Variants in NCMAP observed in about 807,000 individuals in gnomAD.
NCMAP encodes the protein non-compact myelin associated protein.
Under a neutral mutation model 7.8 loss-of-function variants are expected in NCMAP, and 8 were observed. The observed-to-expected ratio is 1.02, with a 90% CI of 0.60 to 1.84. The LOEUF (loss-of-function observed/expected upper bound fraction) is 1.84. Ranked by LOEUF, NCMAP falls within the 40% of genes most tolerant of loss-of-function variation. NCMAP has a pLI of 0.00. For missense variants in NCMAP, 112 were observed against 131.4 expected, an observed-to-expected ratio of 0.85 and a Z score of 0.72; for synonymous variants, 41 against 52.9, an observed-to-expected ratio of 0.78 and a Z score of 0.98.
At chr1:24,562,260 G>C (rs2809962) in intron 1 of NCMAP, among the ~76,000 whole-genome samples, 97,572 of 152,092 alleles carry the variant, frequency 0.64, 31,553 homozygotes, top group East Asian at 0.75. Context: ...ATTTTTGAGA[G>C]CCTTTAATGT....
chr1:24,569,420 C>T lies in NCMAP; in HGVS notation c.-8+13251C>T, dbSNP rs535798641. ...ACTTTCCTTCCCTAATGTGCCCATTCCCACCCCCTCCTCCCCAGACTTCAC... is the reference window on the plus strand; with the variant it reads ...ACTTTCCTTCCCTAATGTGCCCATTTCCACCCCCTCCTCCCCAGACTTCAC... On this transcript the variant is annotated intron_variant, in intron 1 of 3. Coordinates refer to ENST00000374392, the MANE Select transcript of NCMAP (RefSeq NM_001010980.5). 4.6e-5 allele frequency among the ~76,000 whole-genome samples: 7 copies of T among 150,572 alleles called. No homozygotes were observed. In the East Asian group the frequency reaches 1.4e-3, roughly 29 times the overall value.
intron 1 of NCMAP, among the ~76,000 whole-genome samples, chr1:24,573,588 C>T (rs1445327231): frequency 6.8e-6 from 1 of 147,754 alleles, no homozygotes; most frequent in African/African-American, 2.7e-5. Context: ...ACTCTGTCCC[C>T]CCTACAAAAA....
intron 1 of NCMAP, among the ~76,000 whole-genome samples, chr1:24,573,528 C>T (rs546881829): frequency 2.0e-5 from 3 of 150,772 alleles, no homozygotes; most frequent in African/African-American, 7.5e-5. Flanking sequence ...GCAGAGGTTG[C>T]AGTGAGCTAA....
rs1651569727 is a variant in NCMAP, at chr1:24,576,747, C to G, written c.-7-18677C>G. Among the ~76,000 whole-genome samples, 1 of 152,150 alleles carries G rather than the reference C, an allele frequency of 6.6e-6. No homozygotes were observed. The highest frequency in any genetic ancestry group is 2.1e-4 in the South Asian group (1 of 4,830). On this transcript the variant is annotated intron_variant, in intron 1 of 3. Transcript: ENST00000374392. This position sits in a 1 kb window ranked among gnomAD's most constrained non-coding sequence, Gnocchi z 4.0. ...CCAGCCCAGGGTTCTTGCCCCCCATCTCAGGCCTCTCTGTTGGAGTTTTCA... is the reference window on the plus strand; with the variant it reads ...CCAGCCCAGGGTTCTTGCCCCCCATGTCAGGCCTCTCTGTTGGAGTTTTCA...
At chr1:24,594,582 C>T (rs553066528) in intron 1 of NCMAP, among the ~76,000 whole-genome samples, 40 of 152,186 alleles carry the variant, frequency 2.6e-4, no homozygotes, top group Non-Finnish European at 5.3e-4. Context: ...AACTCTCTTC[C>T]GATTGAAGGC....
chr1:24,561,012 C>G (rs1651032992), intron 1 of NCMAP, among the ~76,000 whole-genome samples: 1 of 151,914 alleles, frequency 6.6e-6, no homozygotes, highest in Non-Finnish European at 1.5e-5. Flanking sequence ...GCGATTTTGC[C>G]TTCATGGGAC....
intron 1 of NCMAP, among the ~76,000 whole-genome samples, chr1:24,559,374 T>C (rs1650986032): frequency 1.3e-5 from 2 of 152,176 alleles, no homozygotes; most frequent in African/African-American, 4.8e-5. Context: ...ATCAGAAGTA[T>C]AGATCCTAGG....
chr1:24,563,502 ACAAT>A (rs1651117872), intron 1 of NCMAP: 1 of 151,202 alleles, frequency 6.6e-6, no homozygotes, highest in Non-Finnish European at 1.5e-5. Flanking sequence ...AGCCTGGGCA[ACAAT>A]AAAGAAACTT....
At chr1:24,558,416 C>T (rs909011633) in intron 1 of NCMAP, among the ~76,000 whole-genome samples, 4 of 152,172 alleles carry the variant, frequency 2.6e-5, no homozygotes, top group African/African-American at 4.8e-5. Flanking sequence ...GAGGAGATTC[C>T]GACAACACTG....
At position 24,574,190 on chromosome 1, in the gene NCMAP, C is replaced by A. The variant is rs562554648; in HGVS notation, c.-8+18021C>A. Among the ~76,000 whole-genome samples, 121 of 150,054 alleles carry A rather than the reference C, an allele frequency of 8.1e-4. 9 individuals carry two copies. The highest frequency in any genetic ancestry group is 3.0e-3 in the African/African-American group (117 of 39,592). The stretch of plus-strand genomic sequence containing the variant: ...AGGCTGGAGTGCAGTGGAATCTTGG[C>A]TCACTGCAACCTCTGCTTCCTGGGT... On this transcript the variant is annotated intron_variant, in intron 1 of 3. Coordinates refer to ENST00000374392, the MANE Select transcript of NCMAP (RefSeq NM_001010980.5).
chr1:24,586,759 C>CAAA (rs71577722), intron 1 of NCMAP, among the ~76,000 whole-genome samples: 4 of 107,422 alleles, frequency 3.7e-5, no homozygotes, highest in Non-Finnish European at 5.8e-5. Context: ...GACTCCATCT[C>CAAA]AAAAAAAAAA....
chr1:24,601,212 G>GTCCT (rs1039535269), intron 3 of NCMAP, among the ~76,000 whole-genome samples, 188 bp downstream of exon 3: 4 of 152,104 alleles, frequency 2.6e-5, no homozygotes, highest in African/African-American at 4.8e-5. Context: ...GACTATTTTT[G>GTCCT]TACTTGGAGA....
chr1:24,598,803 AATTTTTGT>A (rs761786430), intron 2 of NCMAP, among the ~76,000 whole-genome samples: 2 of 151,170 alleles, frequency 1.3e-5, no homozygotes, highest in Non-Finnish European at 3.0e-5. Flanking sequence ...AGGCCCAGCT[AATTTTTGT>A]ATTTTTAGTA....
intron 2 of NCMAP, among the ~76,000 whole-genome samples, chr1:24,599,344 A>C (rs1330595823): frequency 6.6e-6 from 1 of 151,934 alleles, no homozygotes; most frequent in Non-Finnish European, 1.5e-5. Context: ...GCTGAGAACT[A>C]ATATTGAAAT....
At chr1:24,589,798 G>A (rs1474552727) in intron 1 of NCMAP, among the ~76,000 whole-genome samples, 1 of 152,216 alleles carries the variant, frequency 6.6e-6, no homozygotes, top group Non-Finnish European at 1.5e-5. Flanking sequence ...GGCTACGTAA[G>A]TGTGGATAGT....
At chr1:24,570,489 C>T (rs1651357172) in intron 1 of NCMAP, among the ~76,000 whole-genome samples, 1 of 150,730 alleles carries the variant, frequency 6.6e-6, no homozygotes, top group Non-Finnish European at 1.5e-5. Flanking sequence ...AGCAAGATCT[C>T]ACTCAAAAAC....
chr1:24,605,889 C>A lies in NCMAP; in HGVS notation c.*142C>A. On this transcript the variant is annotated 3_prime_UTR_variant, in exon 4 of 4. Transcript: ENST00000374392. ...ATCTTTGACGCAATCTCTGATGCTT[C>A]CAGCAATCCTCAACCTTGTCTGCCC... 1.0e-6 allele frequency: 1 copy of A among 996,450 alleles called. No homozygotes were observed. Among genetic ancestry groups the A allele is most frequent in the Non-Finnish European group, 1.5e-6 (1 of 685,502 alleles). 61.7% of individuals were successfully genotyped at this position (996,450 alleles called of 1,614,324 possible).
chr1:24,605,964 C>A lies in NCMAP; in HGVS notation c.*217C>A, dbSNP rs1652712948. On this transcript the variant is annotated 3_prime_UTR_variant, in exon 4 of 4. Transcript: ENST00000374392. ...TCCCTGCCGCCACCCCACCAAAAAGCTGCAGAACATTCTTTTGTCATCTGA... is the reference window on the plus strand; with the variant it reads ...TCCCTGCCGCCACCCCACCAAAAAGATGCAGAACATTCTTTTGTCATCTGA... 1 of 549,934 alleles carries A rather than the reference C, an allele frequency of 1.8e-6. No individual in the cohort carries two copies. The highest frequency in any genetic ancestry group is 3.2e-6 in the Non-Finnish European group (1 of 313,422). The allele number at this position is 549,934 out of a possible 1,614,324, so 34.1% of individuals were successfully genotyped here.
chr1:24,561,210 G>A (rs12066165), intron 1 of NCMAP, among the ~76,000 whole-genome samples: 15,508 of 148,204 alleles, frequency 0.1, 1,066 homozygotes, highest in African/African-American at 0.19. Flanking sequence ...AGCTGGGCAC[G>A]GTGGCGAGCA....
Sources: gnomAD v4.1 joint callset for allele counts (sites outside exome capture counted in the v4.1 genomes callset) on GRCh38, gnomAD v4.1.1 for gene constraint, Gnocchi (gnomAD v3.1) non-coding constraint, MANE v1.5 for transcripts, NCBI Gene and HGNC (gene_info 2026-07-23, HGNC 2026-07-21) for gene names.